The following ZNF345 variants were observed in gnomAD, a reference collection of about 807,000 sequenced individuals.
The protein encoded by ZNF345 is zinc finger protein HZF10.
For synonymous variants in ZNF345, 166 were observed against 187.9 expected, an observed-to-expected ratio of 0.88 and a Z score of 0.95; for missense variants, 527 against 589.9, an observed-to-expected ratio of 0.89 and a Z score of 1.10.
intron 3 of ZNF345, chr19:36,892,784 TAAA>T (rs376647993): frequency 1.2e-5 from 5 of 415,394 alleles, no homozygotes; most frequent in African/African-American, 6.6e-5. Flanking sequence ...AGATTCTAAT[TAAA>T]AAAAAAAAAT....
At chr19:36,886,942 C>T (rs1472009867) in intron 3 of ZNF345, among the ~76,000 whole-genome samples, 10 of 138,384 alleles carry the variant, frequency 7.2e-5, no homozygotes, top group Admixed American at 3.9e-4. Flanking sequence ...TGCAGTGAGC[C>T]GGGATAGCGC....
intron 2 of ZNF345, among the ~76,000 whole-genome samples, chr19:36,855,967 G>A (rs7250210): frequency 6.6e-6 from 1 of 152,156 alleles, no homozygotes; most frequent in Admixed American, 6.5e-5. Flanking sequence ...TTAAGTATCA[G>A]AAAAATGTGG....
At chr19:36,866,316 A>C (rs1600703152) in intron 2 of ZNF345, among the ~76,000 whole-genome samples, 1 of 152,268 alleles carries the variant, frequency 6.6e-6, no homozygotes, top group Non-Finnish European at 1.5e-5. Flanking sequence ...AACCACCATG[A>C]AGATTGGAAA....
chr19:36,883,918 C>T (rs957832167), downstream of ZNF345, among the ~76,000 whole-genome samples: 1 of 152,142 alleles, frequency 6.6e-6, no homozygotes, highest in Non-Finnish European at 1.5e-5. Flanking sequence ...TCATTTCAGA[C>T]ACCAGGCACA....
At chr19:36,861,974 C>A (rs1336056924) in intron 2 of ZNF345, among the ~76,000 whole-genome samples, 1 of 151,756 alleles carries the variant, frequency 6.6e-6, no homozygotes, top group African/African-American at 2.4e-5. Flanking sequence ...GATTCTTCTG[C>A]CTCAGCTTCC....
chr19:36,892,176 A>G, intron 3 of ZNF345: 2 of 1,614,160 alleles, frequency 1.2e-6, no homozygotes, highest in Non-Finnish European at 1.7e-6. Context: ...TACCAGTGTG[A>G]ATCCTCTGAT....
intron 2 of ZNF345, among the ~76,000 whole-genome samples, chr19:36,869,080 C>T (rs1426214825): frequency 6.6e-6 from 1 of 152,046 alleles, no homozygotes; most frequent in Non-Finnish European, 1.5e-5. Context: ...GTACTAGCTG[C>T]CCAGAGTTAG....
chr19:36,868,398 C>T (rs1263688563), intron 2 of ZNF345, among the ~76,000 whole-genome samples: 2 of 152,204 alleles, frequency 1.3e-5, no homozygotes, highest in Admixed American at 1.3e-4. Flanking sequence ...ACTTAACTGG[C>T]CTTCTGGGAA....
At chr19:36,874,570 C>T (rs2072844408) in intron 2 of ZNF345, among the ~76,000 whole-genome samples, 1 of 150,808 alleles carries the variant, frequency 6.6e-6, no homozygotes, top group Non-Finnish European at 1.5e-5. Context: ...AGGCTGAGGT[C>T]GGGAGTTCAA....
intron 2 of ZNF345, among the ~76,000 whole-genome samples, chr19:36,866,177 A>G (rs2072656375): frequency 6.6e-6 from 1 of 152,134 alleles, no homozygotes; most frequent in Non-Finnish European, 1.5e-5. Flanking sequence ...TACTTTCATC[A>G]GATAAACTGA....
intron 2 of ZNF345, chr19:36,872,671 G>C (rs1026627630): frequency 1.3e-5 from 2 of 152,422 alleles, no homozygotes; most frequent in Non-Finnish European, 2.9e-5. Context: ...TTCTTTATAA[G>C]TTACCCACTC....
rs2072950014 is a variant in ZNF345 at position 36,879,169 on chromosome 19, C to G, written c.*872C>G. The G allele has an allele frequency of 6.0e-6, 1 of 166,932 alleles. No individual in the cohort carries two copies. Among genetic ancestry groups the G allele is most frequent in the African/African-American group, 2.4e-5 (1 of 41,410 alleles). The allele number at this position is 166,932 out of a possible 1,614,324, so 10.3% of individuals were successfully genotyped here. On this transcript the variant is annotated 3_prime_UTR_variant, in exon 3 of 3. Transcript: ENST00000420450. ...GTTTTTTAAATTTATATATATGTAT[C>G]TATGTCTCATCCTGTTTATGGTCAA...
chr19:36,889,334 C>T (rs145161831), intron 3 of ZNF345: 10 of 152,196 alleles, frequency 6.6e-5, no homozygotes, highest in Non-Finnish European at 1.5e-4. Context: ...AGGATTCCCT[C>T]CTATAATTTT....
At chr19:36,885,998 G>T (rs975133122) in intron 3 of ZNF345, among the ~76,000 whole-genome samples, 8 of 152,060 alleles carry the variant, frequency 5.3e-5, no homozygotes, top group Middle Eastern at 3.2e-3. Flanking sequence ...TGTTTGTGTA[G>T]CTTTCAGGGC....
At chr19:36,892,120 C>T (rs1276063432) in intron 3 of ZNF345, 2 of 1,614,016 alleles carry the variant, frequency 1.2e-6, no homozygotes, top group Middle Eastern at 1.6e-4. Flanking sequence ...AAAATATGAA[C>T]TACAACTAAA....
chr19:36,885,891 T>C (rs546065391), intron 3 of ZNF345, among the ~76,000 whole-genome samples: 3 of 152,124 alleles, frequency 2.0e-5, no homozygotes, highest in Non-Finnish European at 4.4e-5. Flanking sequence ...CCCCCAGTTA[T>C]ATTCCAATTC....
chr19:36,873,841 T>A (rs2072821405), intron 2 of ZNF345, among the ~76,000 whole-genome samples: 1 of 152,166 alleles, frequency 6.6e-6, no homozygotes, highest in South Asian at 2.1e-4. Flanking sequence ...TAATATTCAT[T>A]TATATATATC....
At chr19:36,870,943 A>G (rs1041456833) in intron 2 of ZNF345, among the ~76,000 whole-genome samples, 1 of 152,216 alleles carries the variant, frequency 6.6e-6, no homozygotes, top group Admixed American at 6.5e-5. Context: ...AATTTCAAAC[A>G]TAGAGAAAAA....
At chr19:36,864,874 C>A (rs148780697) in intron 2 of ZNF345, among the ~76,000 whole-genome samples, 1 of 152,148 alleles carries the variant, frequency 6.6e-6, no homozygotes, top group African/African-American at 2.4e-5. Context: ...GCCTCACTTG[C>A]CTTAGCCATG....
Sources: allele counts gnomAD v4.1 joint callset (sites outside exome capture counted in the v4.1 genomes callset), GRCh38; gene constraint gnomAD v4.1.1; transcripts MANE v1.5; gene names NCBI Gene and HGNC (gene_info 2026-07-23, HGNC 2026-07-21).